SLC28A1: variants seen among roughly 807,000 people sequenced by gnomAD.
The protein encoded by SLC28A1 is sodium/nucleoside cotransporter 1.
In SLC28A1, 64 loss-of-function variants were observed where a neutral mutation model predicts 74.8. That is an observed-to-expected ratio of 0.86 (90% CI 0.70 to 1.05). SLC28A1 has a LOEUF of 1.05. SLC28A1 is among the 50% of genes least tolerant of loss of function. The pLI is 0.00. For synonymous variants in SLC28A1, 359 were observed against 335.0 expected, an observed-to-expected ratio of 1.07 and a Z score of -0.78; for missense variants, 828 against 822.8, an observed-to-expected ratio of 1.01 and a Z score of -0.08.
downstream of SLC28A1, among the ~76,000 whole-genome samples, chr15:84,950,358 CCTTTTT>C (rs1567199959): frequency 1.9e-5 from 2 of 102,884 alleles, no homozygotes; most frequent in African/African-American, 4.0e-5. Flanking sequence ...TCGCCAGTCT[CCTTTTT>C]TTTTTTTTTT....
At chr15:84,956,468 C>CTTCTTTCTTTCT in the SLC28A1 span, among the ~76,000 whole-genome samples, 2 of 67,052 alleles carry the variant, frequency 3.0e-5, no homozygotes, top group African/African-American at 8.9e-5. Context: ...TCTTTCTTTC[C>CTTCTTTCTTTCT]TTCTTTCTTT....
At chr15:84,936,079 C>A (rs1001562432) in intron 15 of SLC28A1, among the ~76,000 whole-genome samples, 1 of 149,868 alleles carries the variant, frequency 6.7e-6, no homozygotes, top group South Asian at 2.1e-4. Flanking sequence ...CTCAGCCTCT[C>A]CAAGTAGCTG....
At chr15:84,945,060 C>T in intron 18 of SLC28A1, 65 bp from the exon 19 acceptor site, 5 of 1,436,434 alleles carry the variant, frequency 3.5e-6, no homozygotes, top group African/African-American at 1.4e-5. Flanking sequence ...CGGTGTTGCA[C>T]AGCCTGGTGG....
chr15:84,958,783 T>A, the SLC28A1 span, among the ~76,000 whole-genome samples: 2,100 of 152,152 alleles, frequency 0.014, 53 homozygotes, highest in African/African-American at 0.047. Context: ...CTCAAAATTT[T>A]TTTTATTTTA....
At chr15:84,918,763 C>T (rs1423584558) in intron 10 of SLC28A1, among the ~76,000 whole-genome samples, 159 bp downstream of exon 10, 1 of 152,000 alleles carries the variant, frequency 6.6e-6, no homozygotes, top group East Asian at 1.9e-4. Context: ...AGTGCCTCCA[C>T]CTTCCCAGAA....
At chr15:84,943,020 G>T (rs1451924826) in intron 15 of SLC28A1, among the ~76,000 whole-genome samples, 1 of 151,860 alleles carries the variant, frequency 6.6e-6, no homozygotes, top group Admixed American at 6.6e-5. Context: ...CCCCATCTCC[G>T]CTAAAAATAC....
In SLC28A1 at chr15:84,887,642, A is replaced by G. The variant is rs1047383424; in HGVS notation, c.-16-103A>G. The G allele has an allele frequency of 5.8e-6, 9 of 1,552,262 alleles. No homozygotes were observed. In the South Asian group the frequency reaches 5.9e-5, roughly 10 times the overall value. ...AGGCAGGGCTCTGGCTGTGCCAGGC[A>G]TCTGCTCCCCCCACTCAGTCCTCTC... On this transcript the variant is annotated intron_variant, in intron 2 of 18. Coordinates refer to ENST00000394573, the MANE Select transcript of SLC28A1 (RefSeq NM_004213.5).
At chr15:84,924,210 C>T in intron 12 of SLC28A1, 100 bp downstream of exon 12, 1 of 1,358,638 alleles carries the variant, frequency 7.4e-7, no homozygotes, top group Non-Finnish European at 1.0e-6. Flanking sequence ...CTCAGATCTT[C>T]TCTCTTGGGC....
At chr15:84,902,618 T>C (rs1046555958) in intron 6 of SLC28A1, among the ~76,000 whole-genome samples, 2 of 152,120 alleles carry the variant, frequency 1.3e-5, no homozygotes, top group Non-Finnish European at 2.9e-5. Context: ...TCAAGGAGTA[T>C]ACGTATGCCA....
chr15:84,940,226 T>G (rs1972492020), intron 15 of SLC28A1, among the ~76,000 whole-genome samples: 1 of 152,210 alleles, frequency 6.6e-6, no homozygotes, highest in South Asian at 2.1e-4. Context: ...ATAACTAATG[T>G]GTGCTGTGTG....
chr15:84,944,942 C>T, intron 18 of SLC28A1, 75 bp downstream of exon 18: 1 of 1,202,094 alleles, frequency 8.3e-7, no homozygotes, highest in Non-Finnish European at 1.2e-6. Context: ...GGGGGGATGC[C>T]TTTGGTACCA....
In SLC28A1 at chr15:84,900,198, G is replaced by A. The variant is rs955334115; in HGVS notation, c.462-3899G>A. Among the ~76,000 whole-genome samples, 77 of 151,594 alleles carry A rather than the reference G, an allele frequency of 5.1e-4. 1 individual carries two copies. The highest frequency in any genetic ancestry group is 4.2e-3 in the Admixed American group (64 of 15,222). ...AAATTAGCCAGGCATGGTGGCATGCGCCTGTAGTATCAGCTATTACACTTG... is the reference window on the plus strand; with the variant it reads ...AAATTAGCCAGGCATGGTGGCATGCACCTGTAGTATCAGCTATTACACTTG... On this transcript the variant is annotated intron_variant, in intron 6 of 18. Coordinates refer to ENST00000394573, the MANE Select transcript of SLC28A1 (RefSeq NM_004213.5).
At chr15:84,947,592 G>T (rs2079277462), downstream of SLC28A1, among the ~76,000 whole-genome samples, 1 of 152,226 alleles carries the variant, frequency 6.6e-6, no homozygotes, top group Non-Finnish European at 1.5e-5. Context: ...AGCTCTTGAG[G>T]CTGGGAAGTC....
At chr15:84,933,887 A>G (rs1971588164) in intron 13 of SLC28A1, among the ~76,000 whole-genome samples, 1 of 152,230 alleles carries the variant, frequency 6.6e-6, no homozygotes, top group Admixed American at 6.5e-5. Flanking sequence ...AGGCACGAGA[A>G]TTGCTTGAAT....
chr15:84,896,270 C>T (rs1180330999), intron 6 of SLC28A1, among the ~76,000 whole-genome samples: 2 of 152,152 alleles, frequency 1.3e-5, no homozygotes, highest in African/African-American at 2.4e-5. Flanking sequence ...TACAACTCAA[C>T]CATAAAAAGA....
rs2079143399 is a variant in SLC28A1 at position 84,944,882 on chromosome 15, T to A, written c.1874+15T>A. Reference sequence around the variant, plus strand: ...GCCTTCCAGAGGTGAGGGCCTGGGCTGTGGGACCTGCAGGGCACCCACAGT... The same window carrying A: ...GCCTTCCAGAGGTGAGGGCCTGGGCAGTGGGACCTGCAGGGCACCCACAGT... On this transcript the variant is annotated intron_variant, in intron 18 of 18. Transcript: ENST00000394573. 1.9e-6 allele frequency: 3 copies of A among 1,565,078 alleles called. No individual in the cohort carries two copies. In the African/African-American group the frequency reaches 4.0e-5, roughly 21 times the overall value.
intron 1 of SLC28A1, among the ~76,000 whole-genome samples, chr15:84,885,213 C>A (rs1321269871): frequency 2.0e-5 from 3 of 150,876 alleles, no homozygotes; most frequent in Non-Finnish European, 4.4e-5. Flanking sequence ...CCCACCTTGG[C>A]CTCCCAAAGT....
intron 15 of SLC28A1, among the ~76,000 whole-genome samples, chr15:84,936,094 T>TA (rs1971893057): frequency 6.6e-6 from 1 of 150,710 alleles, no homozygotes; most frequent in Admixed American, 6.6e-5. Flanking sequence ...TAGCTGGGAC[T>TA]ACAGGCGCCC....
chr15:84,946,112 A>ATATATATATTTT (rs57190791), downstream of SLC28A1, among the ~76,000 whole-genome samples: 5 of 13,472 alleles, frequency 3.7e-4, 1 homozygote, highest in East Asian at 0.021. Flanking sequence ...ATATATATAT[A>ATATATATATTTT]TTTTTTTTTT....
Sources: allele counts gnomAD v4.1 joint callset (sites outside exome capture counted in the v4.1 genomes callset), GRCh38; gene constraint gnomAD v4.1.1; transcripts MANE v1.5; gene names NCBI Gene and HGNC (gene_info 2026-07-23, HGNC 2026-07-21).